SATL1: variants seen among roughly 807,000 people sequenced by gnomAD.
SATL1 encodes spermidine/spermine N(1)-acetyltransferase-like protein 1.
In SATL1, 47 loss-of-function variants were observed where a neutral mutation model predicts 51.8. That is an observed-to-expected ratio of 0.91 (90% CI 0.72 to 1.16). The LOEUF (loss-of-function observed/expected upper bound fraction) is 1.16. Ranked by LOEUF, SATL1 falls within the 50% of genes most tolerant of loss-of-function variation. SATL1 has a pLI of 0.00. For synonymous variants in SATL1, 176 were observed against 182.4 expected, an observed-to-expected ratio of 0.97 and a Z score of 0.28; for missense variants, 520 against 526.4, an observed-to-expected ratio of 0.99 and a Z score of 0.12.
rs184968951 is a variant in SATL1, at chrX:85,108,269, T to C, written c.700A>G (p.Ser234Gly). 25 of 1,210,149 alleles carry C rather than the reference T, an allele frequency of 2.1e-5. No homozygotes were observed. The Admixed American group carries it at 5.5e-4, about 26-fold the overall frequency. The change falls in exon 3 of 8, where the codon AGC becomes GGC. Residue 234 changes from serine to glycine, a missense_variant. This residue lies in a region of SATL1 where 488 missense variants were observed against 474.3 expected (regional missense o/e 1.03). Coordinates refer to ENST00000644105, the MANE Select transcript of SATL1 (RefSeq NM_001367857.2). ...TCTGTTTGGTTCTTACATGATTGGC[T>C]AGTGTCTGGTTGCCTTATGCCTGGT... Reference protein sequence around the residue: ...SQPGIRQPDTSQSCKNQTDMS... With the variant: ...SQPGIRQPDTGQSCKNQTDMS...
chrX:85,145,798 C>T (rs1309449597), intron 2 of SATL1, among the ~76,000 whole-genome samples: 3 of 111,770 alleles, frequency 2.7e-5, no homozygotes, highest in Non-Finnish European at 1.9e-5. Flanking sequence ...GTTTCACTTT[C>T]TGTGGTTTCA....
chrX:85,213,754 T>A (rs1400692201), intron 2 of SATL1, among the ~76,000 whole-genome samples: 1 of 111,464 alleles, frequency 9.0e-6, no homozygotes. Flanking sequence ...GTACTTAGCA[T>A]ATATTAGGAA....
chrX:85,171,171 G>T (rs778963361), intron 2 of SATL1, among the ~76,000 whole-genome samples: 1 of 111,271 alleles, frequency 9.0e-6, no homozygotes, highest in African/African-American at 3.3e-5. Flanking sequence ...ATAAATCAGG[G>T]TAAACTTATT....
At chrX:85,236,312 G>A (rs982075513) in intron 1 of SATL1, among the ~76,000 whole-genome samples, 4 of 111,002 alleles carry the variant, frequency 3.6e-5, no homozygotes, top group African/African-American at 1.3e-4. Context: ...GAAGAGGAGG[G>A]AATGAATACT....
At chrX:85,137,254 C>T (rs1925983190) in intron 2 of SATL1, among the ~76,000 whole-genome samples, 1 of 111,156 alleles carries the variant, frequency 9.0e-6, no homozygotes, top group African/African-American at 3.3e-5. Flanking sequence ...ACATCATAAC[C>T]CCAATTTTAC....
intron 3 of SATL1, among the ~76,000 whole-genome samples, chrX:85,106,425 C>T (rs1265695721): frequency 8.9e-6 from 1 of 112,112 alleles, no homozygotes; most frequent in African/African-American, 3.2e-5. Context: ...CCAAAGGGAA[C>T]ACAAACTTGG....
intron 2 of SATL1, among the ~76,000 whole-genome samples, chrX:85,150,177 C>A (rs1327722515): frequency 2.7e-5 from 3 of 111,544 alleles, no homozygotes; most frequent in African/African-American, 9.8e-5. Context: ...TCAGAGAATA[C>A]TAAAAACACC....
At chrX:85,094,636 C>T (rs1924640952) in intron 5 of SATL1, among the ~76,000 whole-genome samples, 2 of 111,286 alleles carry the variant, frequency 1.8e-5, no homozygotes, top group Non-Finnish European at 3.8e-5. Flanking sequence ...GTCCCAGCTA[C>T]TTGGGAGGCT....
intron 2 of SATL1, among the ~76,000 whole-genome samples, chrX:85,221,628 T>C (rs1845743420): frequency 8.9e-6 from 1 of 112,275 alleles, no homozygotes; most frequent in African/African-American, 3.2e-5. Context: ...CTGGATAACC[T>C]GATTATAAAT....
chrX:85,203,048 A>T (rs1047503351), intron 2 of SATL1, among the ~76,000 whole-genome samples: 1 of 111,636 alleles, frequency 9.0e-6, no homozygotes, highest in African/African-American at 3.3e-5. Context: ...CCCACGTAAC[A>T]GTCTGGCCAC....
intron 2 of SATL1, among the ~76,000 whole-genome samples, chrX:85,125,743 AAT>A (rs910327795): frequency 1.8e-4 from 19 of 107,971 alleles, no homozygotes; most frequent in Admixed American, 4.0e-4. Context: ...AAAATTTTTA[AAT>A]ATATATATAT....
At chrX:85,217,854 C>G (rs1388303637) in intron 2 of SATL1, among the ~76,000 whole-genome samples, 2 of 111,976 alleles carry the variant, frequency 1.8e-5, no homozygotes, top group African/African-American at 6.5e-5. Flanking sequence ...ACCTTCTAAT[C>G]TCTAATCAGA....
intron 1 of SATL1, among the ~76,000 whole-genome samples, chrX:85,226,726 G>A (rs1021738086): frequency 9.0e-6 from 1 of 110,697 alleles, no homozygotes; most frequent in African/African-American, 3.3e-5. Flanking sequence ...CTCTTCCAGA[G>A]AGCTATCCAC....
intron 2 of SATL1, among the ~76,000 whole-genome samples, chrX:85,120,436 G>A (rs1476276223): frequency 1.8e-5 from 2 of 111,499 alleles, no homozygotes; most frequent in East Asian, 5.7e-4. Flanking sequence ...GTAATTTTGG[G>A]ATGAAAGGGA....
chrX:85,094,843 A>G, intron 5 of SATL1, 73 bp downstream of exon 5: 1 of 666,653 alleles, frequency 1.5e-6, no homozygotes. Flanking sequence ...ATTATATGCT[A>G]CAAAACTGTA....
intron 2 of SATL1, among the ~76,000 whole-genome samples, chrX:85,214,264 A>C (rs1228063928): frequency 1.8e-5 from 2 of 111,599 alleles, no homozygotes; most frequent in African/African-American, 6.5e-5. Context: ...GAAGGCAAAA[A>C]GGAGCTGGCA....
chrX:85,219,794 T>C (rs1403360521), intron 2 of SATL1: 3 of 110,405 alleles, frequency 2.7e-5, no homozygotes, highest in Non-Finnish European at 5.7e-5. Context: ...CTTCTCTTCC[T>C]TTATCCCTCC....
In SATL1 at chrX:85,108,665, C is replaced by G; in HGVS notation, c.304G>C (p.Ala102Pro). 1 of 1,200,621 alleles carries G rather than the reference C, an allele frequency of 8.3e-7. No individual in the cohort carries two copies. The highest frequency in any genetic ancestry group is 1.1e-6 in the Non-Finnish European group (1 of 889,725). The change falls in exon 3 of 8, where the codon GCA becomes CCA. Residue 102 changes from alanine to proline, a missense_variant. Physicochemically the swap from Ala to Pro is conservative, Grantham distance 27. This residue lies in a region of SATL1 where 488 missense variants were observed against 474.3 expected (regional missense o/e 1.03). Coordinates refer to ENST00000644105, the MANE Select transcript of SATL1 (RefSeq NM_001367857.2). ...GATGGGTCTGGTTGGCTTATGCCTGCTTTGCTCAGGACTAGTTGGCTCAGT... is the reference window on the plus strand; with the variant it reads ...GATGGGTCTGGTTGGCTTATGCCTGGTTTGCTCAGGACTAGTTGGCTCAGT... ...QELSQLVLSK[A>P]GISQPDPSQP...
At chrX:85,125,658 T>C (rs1602849898) in intron 2 of SATL1, among the ~76,000 whole-genome samples, 1 of 109,207 alleles carries the variant, frequency 9.2e-6, no homozygotes, top group Non-Finnish European at 1.9e-5. Flanking sequence ...AGTCAATCTA[T>C]GATGAGCCCA....
Sources: gnomAD v4.1 joint callset for allele counts (sites outside exome capture counted in the v4.1 genomes callset) on GRCh38, gnomAD v4.1.1 for gene constraint, gnomAD v4.1.1 regional missense constraint, MANE v1.5 for transcripts, NCBI Gene and HGNC (gene_info 2026-07-23, HGNC 2026-07-21) for gene names.